CASZ1: variants seen among roughly 807,000 people sequenced by gnomAD.
The protein encoded by CASZ1 is castor zinc finger 1, also known as zinc finger protein castor homolog 1.
CASZ1 carries 28 observed loss-of-function variants against 135.2 expected under a neutral mutation model. That is an observed-to-expected ratio of 0.21 (90% confidence interval 0.15 to 0.28). CASZ1 has a LOEUF of 0.28. Ranked by LOEUF, CASZ1 falls within the 10% of genes least tolerant of loss-of-function variation. The pLI is 1.00. For missense variants in CASZ1, 2,161 were observed against 2,453.3 expected, an observed-to-expected ratio of 0.88 and a Z score of 2.52; for synonymous variants, 1,068 against 1,073.4, an observed-to-expected ratio of 0.99 and a Z score of 0.10.
rs186193088 is a variant in CASZ1 at position 10,727,362 on chromosome 1, C to T, written c.-76-21818G>A. 1.6e-4 allele frequency among the ~76,000 whole-genome samples: 25 copies of T among 152,062 alleles called. No homozygotes were observed. Among genetic ancestry groups the T allele is most frequent in the African/African-American group, 6.0e-4 (25 of 41,482 alleles). ...CTCTCCATGTGTGCTATTCTGGGTA[C>T]CAGGTTTGCACAAGGCCTTTTAAGT... is the stretch of plus-strand genomic sequence containing the variant. On this transcript the variant is annotated intron_variant, in intron 2 of 20. Transcript: ENST00000377022. This position sits in a 1 kb window ranked among gnomAD's most constrained non-coding sequence, Gnocchi z 5.3.
In CASZ1 at chr1:10,727,692, A is replaced by G. The variant is rs1270227947; in HGVS notation, c.-76-22148T>C. Reference sequence around the variant, plus strand: ...AAAAAGTGTCTGCACCCTAGGGTTCAGGGTGCTAGGAAGCAAAAGTGGAGC... The same window carrying G: ...AAAAAGTGTCTGCACCCTAGGGTTCGGGGTGCTAGGAAGCAAAAGTGGAGC... On this transcript the variant is annotated intron_variant, in intron 2 of 20. Transcript: ENST00000377022. This position sits in a 1 kb window ranked among gnomAD's most constrained non-coding sequence, Gnocchi z 5.3. Among the ~76,000 whole-genome samples the G allele has an allele frequency of 1.3e-5, 2 of 152,180 alleles. No individual in the cohort carries two copies. Among genetic ancestry groups the G allele is most frequent in the Admixed American group, 6.5e-5 (1 of 15,288 alleles).
At position 10,758,107 on chromosome 1, in the gene CASZ1, G is replaced by A. The variant is rs575398285; in HGVS notation, c.-77+2594C>T. ...TTCAATCTCAGCTAAATGTCACCAC[G>A]TCCTTGAGAAACCTCCTCTGAGCAG... On this transcript the variant is annotated intron_variant, in intron 2 of 20. Coordinates refer to ENST00000377022, the MANE Select transcript of CASZ1 (RefSeq NM_001079843.3). Among the ~76,000 whole-genome samples, 140 of 152,214 alleles carry A rather than the reference G, an allele frequency of 9.2e-4. 2 individuals carry two copies. The highest frequency in any genetic ancestry group is 3.3e-3 in the African/African-American group (137 of 41,528).
At chr1:10,780,629 A>G (rs1442978380) in intron 1 of CASZ1, among the ~76,000 whole-genome samples, 1 of 152,210 alleles carries the variant, frequency 6.6e-6, no homozygotes, top group Non-Finnish European at 1.5e-5. Context: ...GATACTAAAC[A>G]ATGTTGTCTC....
chr1:10,728,976 C>T (rs541571057), intron 2 of CASZ1, among the ~76,000 whole-genome samples: 1 of 152,180 alleles, frequency 6.6e-6, no homozygotes, highest in Non-Finnish European at 1.5e-5. Context: ...CCTTCCCCCC[C>T]CACTCTCCGG....
chr1:10,649,261 G>C, intron 14 of CASZ1, 22 bp downstream of exon 14: 1 of 1,603,268 alleles, frequency 6.2e-7, no homozygotes, highest in Non-Finnish European at 8.5e-7. Flanking sequence ...ACGATGGGTG[G>C]ACGCGGCCAG....
Position 10,715,824 on chromosome 1 carries a change from C to A in CASZ1, c.-76-10280G>T, listed in dbSNP as rs185176000. Among the ~76,000 whole-genome samples the A allele has an allele frequency of 2.8e-4, 33 of 117,390 alleles. 2 individuals are homozygous for A. Among genetic ancestry groups the A allele is most frequent in the African/African-American group, 1.1e-3 (32 of 27,826 alleles). 77.0% of individuals were successfully genotyped at this position (117,390 alleles called of 152,430 possible). A position where few individuals can be genotyped will look rare whatever the true frequency, so the allele number is the denominator to read the frequency against. On this transcript the variant is annotated intron_variant, in intron 2 of 20. Coordinates refer to ENST00000377022, the MANE Select transcript of CASZ1 (RefSeq NM_001079843.3). ...AATCCACACCCCACAGCATCCAATCCGCACCTACAGCACCCAATCCACTCC... is the reference window on the plus strand; with the variant it reads ...AATCCACACCCCACAGCATCCAATCAGCACCTACAGCACCCAATCCACTCC...
Position 10,701,102 on chromosome 1 carries a change from TATC to T in CASZ1, c.-24+4387_-24+4389del, listed in dbSNP as rs1639051137. On this transcript the variant is annotated intron_variant, in intron 3 of 20. Transcript: ENST00000377022. This position sits in a 1 kb window ranked among gnomAD's most constrained non-coding sequence, Gnocchi z 6.3. The stretch of plus-strand genomic sequence containing the variant: ...GGTGTATACCATTGGTGCTTACAAA[TATC>T]TACTTGGGCCCCTGATGCCAGGGCC... Among the ~76,000 whole-genome samples, 1 of 152,130 alleles carries T rather than the reference TATC, an allele frequency of 6.6e-6. No homozygotes were observed. Among genetic ancestry groups the T allele is most frequent in the African/African-American group, 2.4e-5 (1 of 41,406 alleles).
Position 10,654,112 on chromosome 1 carries a change from A to G in CASZ1, c.1945T>C (p.Tyr649His). The G allele has an allele frequency of 6.2e-7, 1 of 1,614,188 alleles. No homozygotes were observed. The highest frequency in any genetic ancestry group is 1.3e-5 in the African/African-American group (1 of 75,048). ...TCGTACTTGCACTCCTCGTACTTGT[A>G]GAACTTCTTGAAGCCGTCCTTGGCG... ...AYAKDGFKKFYKYEECKYEGC... is the reference protein window; with the variant it reads ...AYAKDGFKKFHKYEECKYEGC... The change falls in exon 11 of 21, where the codon TAC becomes CAC. Residue 649 changes from tyrosine to histidine, a missense_variant. By Grantham distance (83) the Tyr-to-His change is moderately conservative. Transcript: ENST00000377022.
chr1:10,749,621 C>T (rs1056621456), intron 2 of CASZ1, among the ~76,000 whole-genome samples: 2 of 151,970 alleles, frequency 1.3e-5, no homozygotes, highest in Admixed American at 6.6e-5. Flanking sequence ...CAGACAGCCC[C>T]GAATGGACCA....
At chr1:10,671,810 A>G (rs1401016775) in intron 4 of CASZ1, among the ~76,000 whole-genome samples, 1 of 152,248 alleles carries the variant, frequency 6.6e-6, no homozygotes. Context: ...GAAAGGCAGC[A>G]TCATCTAAAT....
At chr1:10,693,998 G>T in intron 3 of CASZ1, 86 bp from the exon 4 acceptor site, 1 of 1,342,450 alleles carries the variant, frequency 7.4e-7, no homozygotes, top group Non-Finnish European at 1.1e-6. Context: ...CGCCCTGCTT[G>T]TCCCCCGCCC....
intron 4 of CASZ1, among the ~76,000 whole-genome samples, chr1:10,682,995 C>T (rs994193432): frequency 3.3e-5 from 5 of 152,218 alleles, no homozygotes; most frequent in South Asian, 2.1e-4. Flanking sequence ...TCTGCGGGTA[C>T]GCAAAGATAA....
Position 10,639,284 on chromosome 1 carries a change from C to T in CASZ1, c.4938G>A (p.Ala1646=). 1.7e-6 allele frequency: 2 copies of T among 1,179,318 alleles called. No homozygotes were observed. Among genetic ancestry groups the T allele is most frequent in the Non-Finnish European group, 1.1e-6 (1 of 951,364 alleles). The allele number at this position is 1,179,318 out of a possible 1,614,324, so 73.1% of individuals were successfully genotyped here. A position where few individuals can be genotyped will look rare whatever the true frequency, so the allele number is the denominator to read the frequency against. The part of the protein sequence containing the change: ...AAGLGLALGD[A]GDPGPPDAAA... The stretch of plus-strand genomic sequence containing the variant: ...CGGCGTCGGGCGGGCCGGGGTCGCC[C>T]GCGTCGCCCAGCGCCAGGCCCAGGC... Residue 1646 remains alanine, a synonymous_variant, in exon 21 of 21, where the codon GCG becomes GCA. Coordinates refer to ENST00000377022, the MANE Select transcript of CASZ1 (RefSeq NM_001079843.3). This position sits in a 1 kb window ranked among gnomAD's most constrained non-coding sequence, Gnocchi z 4.0.
chr1:10,707,930 G>A lies in CASZ1; in HGVS notation c.-76-2386C>T, dbSNP rs570943133. On this transcript the variant is annotated intron_variant, in intron 2 of 20. Transcript: ENST00000377022. This position sits in a 1 kb window ranked among gnomAD's most constrained non-coding sequence, Gnocchi z 5.0. ...GGACAGCAGGGGCCCTACACTCAGC[G>A]GGGCTGAAGTGAAGTGAACTCTTCC... 7.8e-4 allele frequency among the ~76,000 whole-genome samples: 119 copies of A among 152,292 alleles called. 1 individual carries two copies. The highest frequency in any genetic ancestry group is 1.6e-3 in the Non-Finnish European group (107 of 68,026).
rs189723273 is a variant in CASZ1 at position 10,640,612 on chromosome 1, A to T, written c.4163-553T>A. Among the ~76,000 whole-genome samples the T allele has an allele frequency of 2.1e-4, 32 of 152,270 alleles. 1 individual carries two copies. In the East Asian group the frequency reaches 3.1e-3, roughly 15 times the overall value. On this transcript the variant is annotated intron_variant, in intron 20 of 20. Transcript: ENST00000377022. ...GTGCGGGGCTGCAACTCCCTGCCCT[A>T]AGGAGCACCTTGTCCTTGGTACCAG... is the stretch of plus-strand genomic sequence containing the variant.
chr1:10,705,109 G>T (rs565895365), intron 3 of CASZ1, among the ~76,000 whole-genome samples: 1 of 152,346 alleles, frequency 6.6e-6, no homozygotes, highest in East Asian at 1.9e-4. Flanking sequence ...TGGGCAGCAC[G>T]TCCAGGCACA....
Position 10,777,467 on chromosome 1 carries a change from C to A in CASZ1, c.-233-16610G>T, listed in dbSNP as rs1640681327. On this transcript the variant is annotated intron_variant, in intron 1 of 20. Transcript: ENST00000377022. This position sits in a 1 kb window ranked among gnomAD's most constrained non-coding sequence, Gnocchi z 4.4. ...GAAGAATTGCCATTCAGCCCCGGATCCGGCCAGAGCACAGTCTCACTCAGG... is the reference window on the plus strand; with the variant it reads ...GAAGAATTGCCATTCAGCCCCGGATACGGCCAGAGCACAGTCTCACTCAGG... Among the ~76,000 whole-genome samples the A allele has an allele frequency of 6.6e-6, 1 of 152,192 alleles. No homozygotes were observed. Among genetic ancestry groups the A allele is most frequent in the African/African-American group, 2.4e-5 (1 of 41,442 alleles).
chr1:10,723,788 C>T (rs1639547062), intron 2 of CASZ1, among the ~76,000 whole-genome samples: 1 of 152,166 alleles, frequency 6.6e-6, no homozygotes, highest in Non-Finnish European at 1.5e-5. Flanking sequence ...GAAGCTCATC[C>T]AGCGGTCACA....
chr1:10,656,787 GC>G, intron 7 of CASZ1, 51 bp from the exon 8 acceptor site: 3 of 1,046,630 alleles, frequency 2.9e-6, no homozygotes, highest in Non-Finnish European at 2.9e-6. Context: ...GACAGTCCCA[GC>G]CCCAGCCCCA....
Sources: gnomAD v4.1 joint callset for allele counts (sites outside exome capture counted in the v4.1 genomes callset) on GRCh38, gnomAD v4.1.1 for gene constraint, Gnocchi (gnomAD v3.1) non-coding constraint, MANE v1.5 for transcripts, NCBI Gene and HGNC (gene_info 2026-07-23, HGNC 2026-07-21) for gene names.